GRIK4: variants seen among roughly 807,000 people sequenced by gnomAD.
GRIK4 encodes glutamate ionotropic receptor kainate type subunit 4.
A neutral mutation model predicts 104.9 loss-of-function variants in GRIK4; 40 were observed. That is an observed-to-expected ratio of 0.38 (90% CI 0.30 to 0.50). The LOEUF is 0.50. Ranked by LOEUF, GRIK4 falls within the 20% of genes least tolerant of loss-of-function variation. GRIK4 has a pLI of 0.93. For missense variants in GRIK4, 1,047 were observed against 1,308.1 expected (o/e 0.80, Z 3.08); for synonymous variants, 485 against 524.9 (o/e 0.92, Z 1.04).
intron 3 of GRIK4, among the ~76,000 whole-genome samples, chr11:120,679,403 A>G (rs1427453595): frequency 6.6e-6 from 1 of 152,200 alleles, no homozygotes; most frequent in Admixed American, 6.5e-5. Context: ...AAGAGTATGG[A>G]GAATGCAGCT....
intron 14 of GRIK4, among the ~76,000 whole-genome samples, chr11:120,944,810 T>C (rs553625): frequency 1.3e-5 from 2 of 152,246 alleles, no homozygotes; most frequent in Admixed American, 1.3e-4. Context: ...AGTTATTAGA[T>C]GCATGTCACA....
intron 3 of GRIK4, among the ~76,000 whole-genome samples, chr11:120,779,090 A>T (rs886746631): frequency 2.6e-5 from 4 of 152,202 alleles, no homozygotes; most frequent in African/African-American, 7.2e-5. Flanking sequence ...TCATTCCTTC[A>T]TGATTGAGGG....
intron 7 of GRIK4, among the ~76,000 whole-genome samples, chr11:120,833,754 A>G (rs1953498426): frequency 6.6e-6 from 1 of 152,236 alleles, no homozygotes; most frequent in Non-Finnish European, 1.5e-5. Context: ...AGAGCTATTT[A>G]ACCACTGTTA....
At chr11:120,591,997 G>A (rs1488566949) in intron 1 of GRIK4, among the ~76,000 whole-genome samples, 3 of 152,138 alleles carry the variant, frequency 2.0e-5, no homozygotes, top group South Asian at 2.1e-4. Context: ...CAAACCACTC[G>A]TGCAGGCTCC....
At chr11:120,895,772 G>A (rs183738102) in intron 11 of GRIK4, among the ~76,000 whole-genome samples, 4 of 152,274 alleles carry the variant, frequency 2.6e-5, no homozygotes, top group African/African-American at 7.2e-5. Context: ...GTAACTACTC[G>A]AAAGGGTTGA....
At chr11:120,614,248 G>A (rs1277921885) in intron 1 of GRIK4, among the ~76,000 whole-genome samples, 2 of 152,332 alleles carry the variant, frequency 1.3e-5, no homozygotes, top group South Asian at 2.1e-4. Flanking sequence ...CAGAAAGGGG[G>A]TTATGGTTTT....
chr11:120,965,395 T>C (rs942441923), intron 18 of GRIK4, among the ~76,000 whole-genome samples: 1 of 152,232 alleles, frequency 6.6e-6, no homozygotes, highest in Non-Finnish European at 1.5e-5. Context: ...CGTTCATGTG[T>C]CCATTCACGG....
At chr11:120,984,812 T>G (rs1944712283) in intron 20 of GRIK4, among the ~76,000 whole-genome samples, 1 of 137,462 alleles carries the variant, frequency 7.3e-6, no homozygotes, top group African/African-American at 2.7e-5. Context: ...TGCAGGCCCA[T>G]CTATATTCTT....
At chr11:120,627,853 A>G (rs999058457) in intron 1 of GRIK4, among the ~76,000 whole-genome samples, 3 of 152,220 alleles carry the variant, frequency 2.0e-5, no homozygotes, top group Non-Finnish European at 4.4e-5. Context: ...AAGTCATAAC[A>G]TATTTCCTGA....
chr11:120,782,227 G>A (rs11218005), intron 3 of GRIK4, among the ~76,000 whole-genome samples: 16 of 151,480 alleles, frequency 1.1e-4, no homozygotes, highest in African/African-American at 3.2e-4. Flanking sequence ...TGTCCTGTCC[G>A]TCAGTCTATT....
At chr11:120,931,728 C>T (rs1347830792) in intron 13 of GRIK4, among the ~76,000 whole-genome samples, 2 of 152,260 alleles carry the variant, frequency 1.3e-5, no homozygotes, top group East Asian at 3.9e-4. Context: ...TAGTTCAGTG[C>T]CTGATACATA....
At chr11:120,890,642 T>C (rs531665460) in intron 11 of GRIK4, among the ~76,000 whole-genome samples, 4 of 152,356 alleles carry the variant, frequency 2.6e-5, no homozygotes, top group Non-Finnish European at 5.9e-5. Flanking sequence ...CTTTCATTCA[T>C]TCATTCATTT....
At chr11:120,691,953 T>G (rs1950371345) in intron 3 of GRIK4, among the ~76,000 whole-genome samples, 1 of 152,228 alleles carries the variant, frequency 6.6e-6, no homozygotes, top group Non-Finnish European at 1.5e-5. Flanking sequence ...CCCAGTCCTT[T>G]GCTGCGCCTG....
intron 3 of GRIK4, among the ~76,000 whole-genome samples, chr11:120,687,267 TG>T (rs71936569): frequency 0.11 from 16,287 of 152,188 alleles, 925 homozygotes; most frequent in South Asian, 0.16. Context: ...GACCATGCCT[TG>T]GGTCTTTTCA....
At chr11:120,677,649 C>T (rs1043039441) in intron 3 of GRIK4, among the ~76,000 whole-genome samples, 9 of 152,304 alleles carry the variant, frequency 5.9e-5, no homozygotes, top group Middle Eastern at 3.4e-3. Flanking sequence ...GAGGGCGATA[C>T]GAAATAAGGA....
intron 11 of GRIK4, among the ~76,000 whole-genome samples, chr11:120,895,956 C>A (rs918846645): frequency 2.6e-5 from 4 of 152,110 alleles, no homozygotes; most frequent in African/African-American, 7.2e-5. Flanking sequence ...CTTTAAGAGA[C>A]AATAGGAGCT....
Position 120,940,525 on chromosome 11 carries a change from A to G in GRIK4, c.1590+65A>G, listed in dbSNP as rs763260509. The stretch of plus-strand genomic sequence containing the variant: ...TATTTGCATGCAAACACTGAGTTAT[A>G]CGGGAATAATGAATGACTCATGGAA... On this transcript the variant is annotated intron_variant, in intron 14 of 20. Transcript: ENST00000527524. The surrounding 1 kb of genome is among the most constrained non-coding windows in gnomAD (Gnocchi z 4.3). The G allele has an allele frequency of 2.8e-4, 244 of 879,720 alleles. No individual in the cohort carries two copies. The highest frequency in any genetic ancestry group is 3.8e-4 in the Non-Finnish European group (203 of 534,038). 54.5% of individuals were successfully genotyped at this position (879,720 alleles called of 1,614,324 possible). A position where few individuals can be genotyped will look rare whatever the true frequency, so the allele number is the denominator to read the frequency against.
chr11:120,564,834 G>C (rs1948293974), intron 1 of GRIK4: 1 of 152,362 alleles, frequency 6.6e-6, no homozygotes, highest in African/African-American at 2.4e-5. Context: ...GGCGGGCAGT[G>C]CGTGGGCCAC....
intron 2 of GRIK4, among the ~76,000 whole-genome samples, chr11:120,655,242 A>C (rs905723713): frequency 5.3e-5 from 8 of 151,736 alleles, no homozygotes; most frequent in Admixed American, 2.0e-4. Flanking sequence ...AGGGGAGCTG[A>C]TGAGCTGAAC....
Sources: gnomAD v4.1 joint callset for allele counts (sites outside exome capture counted in the v4.1 genomes callset) on GRCh38, gnomAD v4.1.1 for gene constraint, Gnocchi (gnomAD v3.1) non-coding constraint, MANE v1.5 for transcripts, NCBI Gene and HGNC (gene_info 2026-07-23, HGNC 2026-07-21) for gene names.